The following ATP2B2 variants were observed in gnomAD, a reference collection of about 807,000 sequenced individuals.
ATP2B2 encodes the protein plasma membrane calcium-transporting ATPase 2.
A neutral mutation model predicts 120.0 loss-of-function variants in ATP2B2; 15 were observed. That is an observed-to-expected ratio of 0.12 (90% CI 0.08 to 0.19). The LOEUF (loss-of-function observed/expected upper bound fraction) is 0.19. Among genes scored for constraint, ATP2B2 ranks in the 10% least tolerant of loss-of-function variants. The pLI is 1.00. For missense variants in ATP2B2, 1,045 were observed against 1,719.8 expected, an observed-to-expected ratio of 0.61 and a Z score of 6.94; for synonymous variants, 694 against 700.3, an observed-to-expected ratio of 0.99 and a Z score of 0.14.
intron 21 of ATP2B2, chr3:10,338,729 G>A (rs910224715): frequency 1.6e-5 from 5 of 321,108 alleles, no homozygotes; most frequent in Non-Finnish European, 2.4e-5. Flanking sequence ...ACCTCACCGA[G>A]CTTTGGTTTT....
chr3:10,541,304 G>C (rs892227747), intron 2 of ATP2B2, among the ~76,000 whole-genome samples: 1 of 151,892 alleles, frequency 6.6e-6, no homozygotes, highest in African/African-American at 2.4e-5. Context: ...CCTTTCTTCT[G>C]TTTGGTTTGG....
chr3:10,470,996 G>A (rs990150555), intron 1 of ATP2B2, among the ~76,000 whole-genome samples: 1 of 152,210 alleles, frequency 6.6e-6, no homozygotes, highest in African/African-American at 2.4e-5. Flanking sequence ...GGAGAACGGG[G>A]GGCCTGGGGG....
chr3:10,657,468 C>T (rs1217634523), intron 1 of ATP2B2, among the ~76,000 whole-genome samples: 1 of 152,226 alleles, frequency 6.6e-6, no homozygotes, highest in African/African-American at 2.4e-5. Context: ...CAAGGCATGC[C>T]TCAGCTACCA....
intron 5 of ATP2B2, among the ~76,000 whole-genome samples, chr3:10,394,964 TG>T (rs1306589495): frequency 6.6e-6 from 1 of 152,154 alleles, no homozygotes; most frequent in East Asian, 1.9e-4. Flanking sequence ...GGCTCCTGCA[TG>T]GGGGCTACAG....
chr3:10,421,310 C>T (rs911301573), intron 2 of ATP2B2, among the ~76,000 whole-genome samples: 5 of 152,142 alleles, frequency 3.3e-5, no homozygotes, highest in South Asian at 2.1e-4. Context: ...CAGCCTGGGT[C>T]GACTGTTCCT....
chr3:10,624,937 T>C (rs2069654017), intron 1 of ATP2B2, among the ~76,000 whole-genome samples: 1 of 152,204 alleles, frequency 6.6e-6, no homozygotes, highest in Non-Finnish European at 1.5e-5. Flanking sequence ...ACCCCCACCA[T>C]GGCACCAGGC....
At chr3:10,567,597 A>T (rs1237067324) in intron 2 of ATP2B2, among the ~76,000 whole-genome samples, 2 of 152,240 alleles carry the variant, frequency 1.3e-5, no homozygotes, top group African/African-American at 4.8e-5. Flanking sequence ...CTGCTTCACA[A>T]GATCATTGTG....
At chr3:10,673,682 G>A (rs767592520) in intron 1 of ATP2B2, among the ~76,000 whole-genome samples, 2 of 151,616 alleles carry the variant, frequency 1.3e-5, no homozygotes, top group Non-Finnish European at 1.5e-5. Flanking sequence ...TGTACCTGTA[G>A]CCCCAGCTAC....
At chr3:10,545,872 T>C (rs985846388) in intron 2 of ATP2B2, among the ~76,000 whole-genome samples, 6 of 152,192 alleles carry the variant, frequency 3.9e-5, no homozygotes, top group African/African-American at 1.4e-4. Flanking sequence ...TTTTATGACC[T>C]AGGAAAATAT....
rs142560949 is a variant in ATP2B2, at chr3:10,340,965, G to T, written c.2918-261C>A. Among the ~76,000 whole-genome samples the T allele has an allele frequency of 2.7e-3, 416 of 152,264 alleles. 4 individuals are homozygous for T. The highest frequency in any genetic ancestry group is 9.3e-3 in the African/African-American group (386 of 41,560). The stretch of plus-strand genomic sequence containing the variant: ...ACTTTTTCTGTGGAAACCCGATAAA[G>T]GTGGACGGCCGGCTGTGTTAAAGGT... On this transcript the variant is annotated intron_variant, in intron 19 of 22. Coordinates refer to ENST00000360273, the MANE Select transcript of ATP2B2 (RefSeq NM_001001331.4). The surrounding 1 kb of genome is among the most constrained non-coding windows in gnomAD (Gnocchi z 5.0).
chr3:10,489,754 G>A (rs1010411977), intron 1 of ATP2B2, among the ~76,000 whole-genome samples: 1 of 152,116 alleles, frequency 6.6e-6, no homozygotes, highest in East Asian at 1.9e-4. Flanking sequence ...GCTGCACCGT[G>A]AGCCTCCAGC....
chr3:10,432,705 C>G (rs957500308), intron 2 of ATP2B2, among the ~76,000 whole-genome samples: 2 of 152,250 alleles, frequency 1.3e-5, no homozygotes, highest in African/African-American at 4.8e-5. Flanking sequence ...CATGTCTTCA[C>G]TAGCTTAGAT....
chr3:10,406,296 A>G (rs920137358), intron 3 of ATP2B2, among the ~76,000 whole-genome samples: 5 of 152,200 alleles, frequency 3.3e-5, no homozygotes, highest in Non-Finnish European at 5.9e-5. Context: ...GAGCCCCAGG[A>G]GTTAGGCATT....
intron 2 of ATP2B2, among the ~76,000 whole-genome samples, 177 bp downstream of exon 2, chr3:10,449,168 C>G (rs1443355909): frequency 6.6e-6 from 1 of 152,244 alleles, no homozygotes; most frequent in Non-Finnish European, 1.5e-5. Context: ...AAGCCCTGCT[C>G]CCCAGCCTAT....
At chr3:10,457,713 G>A (rs926364617) in intron 1 of ATP2B2, among the ~76,000 whole-genome samples, 3 of 152,110 alleles carry the variant, frequency 2.0e-5, no homozygotes, top group African/African-American at 7.2e-5. Flanking sequence ...AGAGAGAACA[G>A]GGAAAGAGGA....
chr3:10,703,219 A>T (rs2596851), intron 1 of ATP2B2, among the ~76,000 whole-genome samples: 129,496 of 152,146 alleles, frequency 0.85, 55,240 homozygotes, highest in African/African-American at 0.89. Context: ...ATTGGTCAAC[A>T]TGGGAAGAGG....
At chr3:10,558,064 G>C (rs762094895) in intron 2 of ATP2B2, among the ~76,000 whole-genome samples, 1 of 152,218 alleles carries the variant, frequency 6.6e-6, no homozygotes, top group Non-Finnish European at 1.5e-5. Context: ...GCAGACTGAA[G>C]TGTGCTTCTG....
At chr3:10,680,567 A>C (rs9845440) in intron 1 of ATP2B2, among the ~76,000 whole-genome samples, 4,013 of 152,098 alleles carry the variant, frequency 0.026, 167 homozygotes, top group African/African-American at 0.09. Flanking sequence ...CAGAGGATGA[A>C]CAGTGAATCC....
chr3:10,439,743 C>T (rs948811536), intron 2 of ATP2B2, among the ~76,000 whole-genome samples: 3 of 151,968 alleles, frequency 2.0e-5, no homozygotes, highest in Non-Finnish European at 4.4e-5. Context: ...AGGCCGGGCA[C>T]AGTGGCTCAT....
Sources: gnomAD v4.1 joint callset for allele counts (sites outside exome capture counted in the v4.1 genomes callset) on GRCh38, gnomAD v4.1.1 for gene constraint, Gnocchi (gnomAD v3.1) non-coding constraint, MANE v1.5 for transcripts, NCBI Gene and HGNC (gene_info 2026-07-23, HGNC 2026-07-21) for gene names.